CIB4: variants seen among roughly 807,000 people sequenced by gnomAD.
CIB4 encodes calcium and integrin-binding family member 4.
Under a neutral mutation model 25.8 loss-of-function variants are expected in CIB4, and 25 were observed. That is an observed-to-expected ratio of 0.97 (90% CI 0.71 to 1.35). The LOEUF is 1.35. CIB4 is among the 40% of genes most tolerant of loss of function. CIB4 has a pLI of 0.00. For missense variants in CIB4, 235 were observed against 228.2 expected (o/e 1.03, Z -0.19); for synonymous variants, 75 against 81.4 (o/e 0.92, Z 0.42).
chr2:26,636,833 T>C (rs553456595), intron 2 of CIB4, among the ~76,000 whole-genome samples: 9 of 152,326 alleles, frequency 5.9e-5, no homozygotes, highest in African/African-American at 2.2e-4. Flanking sequence ...CCAACATAAG[T>C]CCAAAGCTAT....
chr2:26,585,001 G>C (rs1371563020), intron 4 of CIB4, among the ~76,000 whole-genome samples: 1 of 152,192 alleles, frequency 6.6e-6, no homozygotes, highest in Non-Finnish European at 1.5e-5. Context: ...GCCTGGCCAG[G>C]CCTTGGGTCC....
intron 3 of CIB4, among the ~76,000 whole-genome samples, chr2:26,628,087 G>A (rs116754082): frequency 0.011 from 1,735 of 152,282 alleles, 26 homozygotes; most frequent in African/African-American, 0.039. Flanking sequence ...GCCAAGAACC[G>A]AATGAAAAAT....
At chr2:26,600,873 G>A (rs1208290114) in intron 3 of CIB4, among the ~76,000 whole-genome samples, 3 of 152,106 alleles carry the variant, frequency 2.0e-5, no homozygotes, top group Non-Finnish European at 4.4e-5. Flanking sequence ...TGGAAATGCA[G>A]GGGTGAAGAA....
chr2:26,608,239 CAAAA>C (rs34295840), intron 3 of CIB4, among the ~76,000 whole-genome samples: 20 of 123,546 alleles, frequency 1.6e-4, no homozygotes, highest in Non-Finnish European at 2.2e-4. Context: ...GACTCTGTCT[CAAAA>C]AAAAAAAAAA....
In CIB4 at chr2:26,583,793, T is replaced by C; in HGVS notation, c.434A>G (p.Asn145Ser). ...MSEDLLMDLT[N>S]HVLSESDLDN... is the part of the protein sequence containing the mutation. ...CTCCCAGCCCCCAGCACACACGTGGTTCGTGAGGTCCATCAGGAGGTCCTC... is the reference window on the plus strand; with the variant it reads ...CTCCCAGCCCCCAGCACACACGTGGCTCGTGAGGTCCATCAGGAGGTCCTC... The change falls in exon 5 of 7, where the codon AAC (asparagine) becomes AGC (serine). Residue 145 changes from asparagine (N) to serine (S), a missense_variant. Coordinates refer to ENST00000288861, the MANE Select transcript of CIB4 (RefSeq NM_001029881.3). 1 of 1,603,294 alleles carries C rather than the reference T, an allele frequency of 6.2e-7. No homozygotes were observed. The highest frequency in any genetic ancestry group is 1.1e-5 in the South Asian group (1 of 90,826).
At chr2:26,625,067 G>A (rs1669274583) in intron 3 of CIB4, among the ~76,000 whole-genome samples, 1 of 151,942 alleles carries the variant, frequency 6.6e-6, no homozygotes, top group Admixed American at 6.6e-5. Flanking sequence ...TTGTAAGTCT[G>A]GGACATACTG....
intron 4 of CIB4, among the ~76,000 whole-genome samples, chr2:26,591,745 G>T (rs572150640): frequency 6.6e-6 from 1 of 152,332 alleles, no homozygotes; most frequent in Admixed American, 6.5e-5. Context: ...TGCCAGTGGG[G>T]TGACTCAAGA....
intron 4 of CIB4, among the ~76,000 whole-genome samples, chr2:26,594,784 C>T (rs1281834252): frequency 6.6e-6 from 1 of 152,110 alleles, no homozygotes; most frequent in Non-Finnish European, 1.5e-5. Context: ...GAAAACTGAG[C>T]CCCAGAAAGG....
At chr2:26,621,252 GAAAAAA>G (rs10689851) in intron 3 of CIB4, among the ~76,000 whole-genome samples, 1,489 of 101,912 alleles carry the variant, frequency 0.015, 32 homozygotes, top group African/African-American at 0.056. Flanking sequence ...AAGTTTCCAG[GAAAAAA>G]AAAAAAAAAA....
rs761026053 is a variant in CIB4, at chr2:26,640,497, C to T, written c.89+36G>A. ...CAAGAATCCAGCTCAGAGGGAGGAG[C>T]TGGGAGAAGGAAAGAGGGGCGGGGC... On this transcript the variant is annotated intron_variant, in intron 2 of 6. Transcript: ENST00000288861. 7 of 1,608,838 alleles carry T rather than the reference C, an allele frequency of 4.4e-6. No homozygotes were observed. The South Asian group carries it at 7.7e-5, about 18-fold the overall frequency.
At chr2:26,605,655 T>G (rs1174278536) in intron 3 of CIB4, 1 of 430,746 alleles carries the variant, frequency 2.3e-6, no homozygotes, top group Non-Finnish European at 4.7e-6. Context: ...GTCAGCATCA[T>G]TCAGTCAGTT....
intron 3 of CIB4, among the ~76,000 whole-genome samples, chr2:26,622,723 C>G (rs796298996): frequency 9.2e-5 from 14 of 152,266 alleles, no homozygotes; most frequent in African/African-American, 3.4e-4. Flanking sequence ...TGGCTCACAC[C>G]TGTAATCCCA....
chr2:26,609,673 A>T (rs1291828926), intron 3 of CIB4, among the ~76,000 whole-genome samples: 1 of 152,084 alleles, frequency 6.6e-6, no homozygotes, highest in Non-Finnish European at 1.5e-5. Flanking sequence ...CAGCCATTTC[A>T]ACTCCATTTT....
At chr2:26,600,957 C>T (rs891685527) in intron 3 of CIB4, among the ~76,000 whole-genome samples, 3 of 151,960 alleles carry the variant, frequency 2.0e-5, no homozygotes, top group African/African-American at 2.4e-5. Context: ...AGGCTGGGAG[C>T]GGTGGCTCAC....
chr2:26,639,769 G>A (rs186717089), intron 2 of CIB4, among the ~76,000 whole-genome samples: 2 of 152,132 alleles, frequency 1.3e-5, no homozygotes, highest in Admixed American at 6.5e-5. Context: ...TGTGGCTTCC[G>A]TGTGGTGACT....
chr2:26,626,223 T>G (rs1004613381), intron 3 of CIB4, among the ~76,000 whole-genome samples: 11 of 152,310 alleles, frequency 7.2e-5, no homozygotes, highest in Middle Eastern at 3.4e-3. Flanking sequence ...TTGCCGAAGA[T>G]CATGTGGCTA....
At chr2:26,601,389 T>C (rs962564288) in intron 3 of CIB4, among the ~76,000 whole-genome samples, 7 of 151,832 alleles carry the variant, frequency 4.6e-5, no homozygotes, top group Non-Finnish European at 1.5e-5. Flanking sequence ...ACCTGATTTA[T>C]GACAAAGATA....
At chr2:26,595,400 A>G in intron 3 of CIB4, 83 bp from the exon 4 acceptor site, 2 of 1,446,004 alleles carry the variant, frequency 1.4e-6, no homozygotes, top group Non-Finnish European at 1.9e-6. Flanking sequence ...TATTACAAAC[A>G]CTGTGTCCTG....
rs956389976 is a variant in CIB4 at position 26,627,789 on chromosome 2, T to C, written c.186+1621A>G. On this transcript the variant is annotated intron_variant, in intron 3 of 6. Coordinates refer to ENST00000288861, the MANE Select transcript of CIB4 (RefSeq NM_001029881.3). The surrounding 1 kb of genome is among the most constrained non-coding windows in gnomAD (Gnocchi z 4.0). ...ACCCACCCCTCACCCTTTCTCATTATTTTGTCTTCTCCACTCCTGCCTCTA... is the reference window on the plus strand; with the variant it reads ...ACCCACCCCTCACCCTTTCTCATTACTTTGTCTTCTCCACTCCTGCCTCTA... Among the ~76,000 whole-genome samples, 2 of 150,928 alleles carry C rather than the reference T, an allele frequency of 1.3e-5. No homozygotes were observed. The highest frequency in any genetic ancestry group is 4.8e-5 in the African/African-American group (2 of 41,248).
Sources: gnomAD v4.1 joint callset for allele counts (sites outside exome capture counted in the v4.1 genomes callset) on GRCh38, gnomAD v4.1.1 for gene constraint, Gnocchi (gnomAD v3.1) non-coding constraint, MANE v1.5 for transcripts, NCBI Gene and HGNC (gene_info 2026-07-23, HGNC 2026-07-21) for gene names.